KIAA0586: variants seen among roughly 807,000 people sequenced by gnomAD.
KIAA0586 encodes KIAA0586.
A neutral mutation model predicts 169.8 loss-of-function variants in KIAA0586; 144 were observed. The observed-to-expected ratio is 0.85, with a 90% CI of 0.74 to 0.97. The LOEUF is 0.97. Ranked by LOEUF, KIAA0586 falls within the 50% of genes least tolerant of loss-of-function variation. The pLI, the probability that KIAA0586 is intolerant of heterozygous loss-of-function variation, is 0.00. For missense variants in KIAA0586, 1,854 were observed against 1,823.0 expected (o/e 1.02, Z -0.31); for synonymous variants, 625 against 612.4 (o/e 1.02, Z -0.30).
At chr14:58,535,864 G>T (rs1162122649) in intron 29 of KIAA0586, among the ~76,000 whole-genome samples, 1 of 151,810 alleles carries the variant, frequency 6.6e-6, no homozygotes. Flanking sequence ...ATTTTGGGGG[G>T]CTTCATCTTT....
intron 28 of KIAA0586, 151 bp from the exon 29 acceptor site, chr14:58,512,371 G>T: frequency 2.0e-6 from 1 of 508,192 alleles, no homozygotes; most frequent in Non-Finnish European, 3.5e-6. Context: ...CCTATTTATT[G>T]GTAGAAGTGC....
chr14:58,495,520 A>C lies in KIAA0586; in HGVS notation c.3990+3245A>C, dbSNP rs985518368. Among the ~76,000 whole-genome samples, 6 of 151,860 alleles carry C rather than the reference A, an allele frequency of 4.0e-5. 1 individual carries two copies. Among genetic ancestry groups the C allele is most frequent in the Middle Eastern group, 6.3e-3 (2 of 316 alleles). ...ACTATGTTGGCTAGGCTGATCTCCAACTTCTGACCGCAAGTGATCCTCCTG... is the reference window on the plus strand; with the variant it reads ...ACTATGTTGGCTAGGCTGATCTCCACCTTCTGACCGCAAGTGATCCTCCTG... On this transcript the variant is annotated intron_variant, in intron 26 of 30. Transcript: ENST00000652326.
intron 29 of KIAA0586, chr14:58,521,577 G>A: frequency 2.1e-6 from 2 of 954,042 alleles, no homozygotes; most frequent in Non-Finnish European, 1.7e-6. Context: ...GAAACATGAA[G>A]GGGAAAAAGT....
chr14:58,542,936 T>C (rs1307334472), intron 30 of KIAA0586, among the ~76,000 whole-genome samples: 1 of 151,868 alleles, frequency 6.6e-6, no homozygotes, highest in African/African-American at 2.4e-5. Flanking sequence ...GATCAGGAGA[T>C]TGAGACCATG....
At chr14:58,535,812 C>T (rs907486937) in intron 29 of KIAA0586, among the ~76,000 whole-genome samples, 2 of 151,316 alleles carry the variant, frequency 1.3e-5, no homozygotes, top group African/African-American at 4.9e-5. Context: ...TGTACATCGT[C>T]CCTTTAAAAA....
chr14:58,474,743 T>C lies in KIAA0586; in HGVS notation c.2771T>C (p.Ile924Thr). The C allele has an allele frequency of 6.2e-7, 1 of 1,612,492 alleles. No homozygotes were observed. Among genetic ancestry groups the C allele is most frequent in the Non-Finnish European group, 8.5e-7 (1 of 1,179,364 alleles). Residue 924 changes from isoleucine to threonine, a missense_variant, in exon 19 of 31, where the codon ATT (isoleucine) becomes ACT (threonine). Physicochemically the swap from Ile to Thr is moderately conservative, Grantham distance 89. Transcript: ENST00000652326. ...VASTFQPTAD[I>T]LDKVIERKET... ...TCTACTTTTCAGCCCACTGCTGATA[T>C]TCTGGATAAAGTAATTGAGAGAAAA...
chr14:58,529,475 G>A (rs1403128217), intron 29 of KIAA0586, among the ~76,000 whole-genome samples: 11 of 152,216 alleles, frequency 7.2e-5, no homozygotes, highest in African/African-American at 2.4e-4. Flanking sequence ...CTGGCAAACC[G>A]AATCCAGCAG....
At chr14:58,444,211 T>C (rs760880025) in intron 6 of KIAA0586, 36 bp downstream of exon 6, 10 of 1,321,632 alleles carry the variant, frequency 7.6e-6, no homozygotes, top group Non-Finnish European at 9.7e-6. Context: ...TTCCATAATC[T>C]TTTATCACTT....
intron 27 of KIAA0586, among the ~76,000 whole-genome samples, chr14:58,506,789 A>G (rs1315802411): frequency 6.6e-6 from 1 of 152,158 alleles, no homozygotes; most frequent in Non-Finnish European, 1.5e-5. Flanking sequence ...ATTATTTGCT[A>G]TATCTAGGAA....
chr14:58,446,938 C>T (rs2038950927), intron 6 of KIAA0586, among the ~76,000 whole-genome samples: 1 of 152,062 alleles, frequency 6.6e-6, no homozygotes, highest in Non-Finnish European at 1.5e-5. Context: ...AATGAGATGA[C>T]ACATTTGAAA....
At chr14:58,495,716 C>T (rs1312535814) in intron 26 of KIAA0586, among the ~76,000 whole-genome samples, 1 of 152,054 alleles carries the variant, frequency 6.6e-6, no homozygotes, top group Non-Finnish European at 1.5e-5. Context: ...ATTCTTTTTA[C>T]CTACTATGTA....
At chr14:58,470,857 A>ATT (rs113069874) in intron 17 of KIAA0586, 134 bp downstream of exon 17, 142 of 413,418 alleles carry the variant, frequency 3.4e-4, no homozygotes, top group Admixed American at 4.2e-4. Flanking sequence ...ATTGAAAACA[A>ATT]TTTTTTTTTT....
chr14:58,461,457 CA>C, intron 14 of KIAA0586, among the ~76,000 whole-genome samples: 1 of 151,276 alleles, frequency 6.6e-6, no homozygotes, highest in Non-Finnish European at 1.5e-5. Context: ...TTTTTTTAGA[CA>C]AGGTCTCACC....
Position 58,508,635 on chromosome 14 carries a change from G to C in KIAA0586, c.4249G>C (p.Val1417Leu), listed in dbSNP as rs1356513118. Residue 1417 changes from valine to leucine, a missense_variant, in exon 28 of 31, where the codon GTT (valine) becomes CTT (leucine). By Grantham distance (32) the Val-to-Leu change is conservative (BLOSUM62 1). Transcript: ENST00000652326. The stretch of plus-strand genomic sequence containing the variant: ...GGAGTTGGAGCCAAATTCTAAGCTG[G>C]TTCTTCCCACAACACTTCTGACAGC... ...ELELEPNSKL[V>L]LPTTLLTAQE... The C allele has an allele frequency of 1.3e-6, 2 of 1,596,716 alleles. No homozygotes were observed. Among genetic ancestry groups the C allele is most frequent in the Non-Finnish European group, 1.7e-6 (2 of 1,170,974 alleles).
chr14:58,428,193 G>A lies in KIAA0586; in HGVS notation c.-72G>A, dbSNP rs1451861995. ...GTTATTGCAAAGAGGTGAAAATTTT[G>A]TTCTGAAGTCTTAAGGAAACAGAGA... On this transcript the variant is annotated 5_prime_UTR_variant, in exon 1 of 31. Coordinates refer to ENST00000652326, the MANE Select transcript of KIAA0586 (RefSeq NM_001329943.3). 1 of 1,531,486 alleles carries A rather than the reference G, an allele frequency of 6.5e-7. No individual in the cohort carries two copies. The highest frequency in any genetic ancestry group is 8.8e-7 in the Non-Finnish European group (1 of 1,141,942). The allele number at this position is 1,531,486 out of a possible 1,614,324, so 94.9% of individuals were successfully genotyped here.
At chr14:58,522,570 G>A (rs2045299697) in intron 29 of KIAA0586, among the ~76,000 whole-genome samples, 1 of 152,186 alleles carries the variant, frequency 6.6e-6, no homozygotes, top group African/African-American at 2.4e-5. Flanking sequence ...AGTTGATACT[G>A]TGGGTTATTT....
At position 58,482,750 on chromosome 14, in the gene KIAA0586, A is replaced by G. The variant is rs759763991; in HGVS notation, c.3144+38A>G. On this transcript the variant is annotated intron_variant, in intron 21 of 30. Transcript: ENST00000652326. ...TTTGAGACATTTATTGAAGAATAGT[A>G]AAATAGATGAATTTTAAGCTGCATA... The G allele has an allele frequency of 3.1e-5, 43 of 1,385,274 alleles. 1 individual carries two copies. The East Asian group carries it at 1.0e-3, about 32-fold the overall frequency. 85.8% of individuals were successfully genotyped at this position (1,385,274 alleles called of 1,614,324 possible).
intron 24 of KIAA0586, among the ~76,000 whole-genome samples, chr14:58,489,882 A>C (rs551409645): frequency 1.3e-5 from 2 of 152,266 alleles, no homozygotes; most frequent in African/African-American, 4.8e-5. Flanking sequence ...TATCAACAGT[A>C]TATGAGAATA....
Position 58,457,996 on chromosome 14 carries a change from ATC to A in KIAA0586, c.1583+18_1583+19del. The A allele has an allele frequency of 6.6e-7, 1 of 1,510,892 alleles. No individual in the cohort carries two copies. Among genetic ancestry groups the A allele is most frequent in the Non-Finnish European group, 9.0e-7 (1 of 1,106,438 alleles). 93.6% of individuals were successfully genotyped at this position (1,510,892 alleles called of 1,614,324 possible). A position where few individuals can be genotyped will look rare whatever the true frequency, so the allele number is the denominator to read the frequency against. The stretch of plus-strand genomic sequence containing the variant: ...TACCAACAGGTAAGAGGATGTTGGC[ATC>A]CAGGGTTATTTATGAGTCTGTCAGT... On this transcript the variant is annotated intron_variant, in intron 11 of 30. Transcript: ENST00000652326.
Sources: gnomAD v4.1 joint callset for allele counts (sites outside exome capture counted in the v4.1 genomes callset) on GRCh38, gnomAD v4.1.1 for gene constraint, MANE v1.5 for transcripts, NCBI Gene and HGNC (gene_info 2026-07-23, HGNC 2026-07-21) for gene names.